RPS6KC1: variants seen among roughly 807,000 people sequenced by gnomAD.
The protein encoded by RPS6KC1 is ribosomal protein S6 kinase C1.
RPS6KC1 carries 54 observed loss-of-function variants against 103.8 expected under a neutral mutation model. That is an observed-to-expected ratio of 0.52 (90% CI 0.42 to 0.65). The LOEUF is 0.65. Ranked by LOEUF, RPS6KC1 falls within the 30% of genes least tolerant of loss-of-function variation. The probability of loss-of-function intolerance (pLI) is 0.00; values close to 1 mark genes in which losing one functional copy is unlikely to be tolerated. For synonymous variants in RPS6KC1, 439 were observed against 438.7 expected (o/e 1.00, Z -0.01); for missense variants, 1,151 against 1,253.8 (o/e 0.92, Z 1.24).
At chr1:213,152,181 G>C (rs1572871150) in intron 6 of RPS6KC1, among the ~76,000 whole-genome samples, 1 of 141,150 alleles carries the variant, frequency 7.1e-6, no homozygotes, top group Non-Finnish European at 1.6e-5. Context: ...CGGGCGGGGG[G>C]CTGACCCCCC....
chr1:213,430,656 T>C, the RPS6KC1 span, among the ~76,000 whole-genome samples: 3 of 152,142 alleles, frequency 2.0e-5, 1 homozygote, highest in African/African-American at 4.8e-5. Context: ...TCCCATCTGC[T>C]CCTGGTATTT....
the RPS6KC1 span, among the ~76,000 whole-genome samples, chr1:213,847,946 TTC>T: frequency 6.6e-6 from 1 of 151,964 alleles, no homozygotes; most frequent in Non-Finnish European, 1.5e-5. Context: ...TTCTCCTTGA[TTC>T]TCTCTGTTTC....
At chr1:213,394,220 C>T in the RPS6KC1 span, among the ~76,000 whole-genome samples, 84 of 152,266 alleles carry the variant, frequency 5.5e-4, 1 homozygote, top group African/African-American at 1.8e-3. Flanking sequence ...ACCTGGTCTG[C>T]GAGCTCCCTG....
At chr1:213,617,527 A>G in the RPS6KC1 span, among the ~76,000 whole-genome samples, 1 of 152,222 alleles carries the variant, frequency 6.6e-6, no homozygotes, top group Non-Finnish European at 1.5e-5. Flanking sequence ...CCATTTACCC[A>G]TCAGATAGTT....
chr1:213,351,255 A>C, the RPS6KC1 span, among the ~76,000 whole-genome samples: 8 of 152,226 alleles, frequency 5.3e-5, no homozygotes, highest in African/African-American at 1.9e-4. Flanking sequence ...ATGAATTTAG[A>C]AGATGAAGAT....
intron 2 of RPS6KC1, among the ~76,000 whole-genome samples, chr1:213,075,077 T>C (rs1413621388): frequency 1.3e-5 from 2 of 151,888 alleles, no homozygotes; most frequent in Admixed American, 6.6e-5. Flanking sequence ...GGTCTCAATC[T>C]CCTGACCTCA....
chr1:213,068,270 G>A (rs1052643382), intron 1 of RPS6KC1, among the ~76,000 whole-genome samples: 2 of 151,818 alleles, frequency 1.3e-5, no homozygotes, highest in Non-Finnish European at 2.9e-5. Context: ...CAGATCACGA[G>A]GTCAAGAGAT....
At chr1:213,672,815 T>A in the RPS6KC1 span, among the ~76,000 whole-genome samples, 1 of 152,176 alleles carries the variant, frequency 6.6e-6, no homozygotes, top group East Asian at 1.9e-4. Context: ...TATCCAATAC[T>A]AAACTCGTCA....
In RPS6KC1 at chr1:213,241,413, A is replaced by G. The variant is rs751720775; in HGVS notation, c.1937A>G (p.Asn646Ser). 6.2e-7 allele frequency: 1 copy of G among 1,613,944 alleles called. No individual in the cohort carries two copies. ...PDGDSASRSF[N>S]TSESKVEFKA... ...GGAGACAGTGCTTCTAGGAGTTTTAATACTAGTGAAAGCAAGGTAGAGTTT... is the reference window on the plus strand; with the variant it reads ...GGAGACAGTGCTTCTAGGAGTTTTAGTACTAGTGAAAGCAAGGTAGAGTTT... Residue 646 changes from asparagine (N) to serine (S), a missense_variant, in exon 11 of 15, where the codon AAT (asparagine) becomes AGT (serine). Transcript: ENST00000366960.
the RPS6KC1 span, among the ~76,000 whole-genome samples, chr1:213,800,800 A>G: frequency 5.3e-5 from 8 of 152,320 alleles, no homozygotes; most frequent in Non-Finnish European, 8.8e-5. Context: ...AAACTTCAGT[A>G]TCTACTATGG....
At chr1:213,325,588 A>C in the RPS6KC1 span, among the ~76,000 whole-genome samples, 1 of 152,280 alleles carries the variant, frequency 6.6e-6, no homozygotes, top group Non-Finnish European at 1.5e-5. Context: ...TGGTTTCCCA[A>C]CTGCCCTGGG....
chr1:213,583,841 A>G, the RPS6KC1 span, among the ~76,000 whole-genome samples: 1 of 122,070 alleles, frequency 8.2e-6, no homozygotes, highest in African/African-American at 2.9e-5. Flanking sequence ...AAAAAAAAGA[A>G]AAAAGAAAAA....
the RPS6KC1 span, among the ~76,000 whole-genome samples, chr1:213,475,450 T>A: frequency 2.6e-5 from 4 of 152,244 alleles, no homozygotes; most frequent in Admixed American, 6.5e-5. Context: ...TGCCCTGCTC[T>A]TCTCTTCTCT....
the RPS6KC1 span, among the ~76,000 whole-genome samples, chr1:213,383,766 C>T: frequency 7.3e-5 from 11 of 151,042 alleles, no homozygotes; most frequent in Non-Finnish European, 1.5e-4. Flanking sequence ...TGCATGCACA[C>T]GCACACAGGG....
Position 213,117,363 on chromosome 1 carries a change from C to G in RPS6KC1, c.425C>G (p.Ala142Gly). The part of the protein sequence containing the change: ...DSSELIGPAE[A>G]HSDSLIDTFP... Reference sequence around the variant, plus strand: ...TCTGAATTAATTGGTCCTGCTGAAGCTCACTCAGATTCCCTCATTGATACC... The same window carrying G: ...TCTGAATTAATTGGTCCTGCTGAAGGTCACTCAGATTCCCTCATTGATACC... Residue 142 changes from alanine to glycine, a missense_variant, in exon 5 of 15, where the codon GCT becomes GGT. Transcript: ENST00000366960. 4 of 1,611,130 alleles carry G rather than the reference C, an allele frequency of 2.5e-6. No individual in the cohort carries two copies. Among genetic ancestry groups the G allele is most frequent in the Non-Finnish European group, 3.4e-6 (4 of 1,177,654 alleles).
At chr1:213,228,222 TG>T (rs939394889) in intron 8 of RPS6KC1, among the ~76,000 whole-genome samples, 3 of 152,178 alleles carry the variant, frequency 2.0e-5, no homozygotes, top group Admixed American at 6.5e-5. Context: ...GATAAGTGCC[TG>T]GGGGAATATT....
the RPS6KC1 span, among the ~76,000 whole-genome samples, chr1:213,746,487 G>A: frequency 6.6e-6 from 1 of 152,202 alleles, no homozygotes; most frequent in Non-Finnish European, 1.5e-5. Flanking sequence ...AGCCAGAGGG[G>A]TTCTGAGGGG....
At chr1:213,070,367 G>A (rs941337376) in intron 1 of RPS6KC1, among the ~76,000 whole-genome samples, 1 of 152,182 alleles carries the variant, frequency 6.6e-6, no homozygotes, top group Non-Finnish European at 1.5e-5. Context: ...TAAGAATGTA[G>A]TGAATATATG....
chr1:213,855,361 C>T, the RPS6KC1 span, among the ~76,000 whole-genome samples: 4 of 152,218 alleles, frequency 2.6e-5, no homozygotes, highest in South Asian at 2.1e-4. Context: ...CAACACTTCT[C>T]TTGTATTTCA....
Sources: gnomAD v4.1 joint callset for allele counts (sites outside exome capture counted in the v4.1 genomes callset) on GRCh38, gnomAD v4.1.1 for gene constraint, MANE v1.5 for transcripts, NCBI Gene and HGNC (gene_info 2026-07-23, HGNC 2026-07-21) for gene names.